The following CHSY3 variants were observed in gnomAD, a reference collection of about 807,000 sequenced individuals.
CHSY3 encodes N-acetylgalactosaminyl-proteoglycan 3-beta-glucuronosyltransferase 3.
In CHSY3, 35 loss-of-function variants were observed where a neutral mutation model predicts 67.2. The observed-to-expected ratio is 0.52, with a 90% CI of 0.40 to 0.69. The LOEUF (loss-of-function observed/expected upper bound fraction) is 0.69, where lower values mean the gene tolerates loss of function less well. Ranked by LOEUF, CHSY3 falls within the 30% of genes least tolerant of loss-of-function variation. CHSY3 has a pLI of 0.00. For synonymous variants in CHSY3, 474 were observed against 434.7 expected, an observed-to-expected ratio of 1.09 and a Z score of -1.12; for missense variants, 1,069 against 1,138.5, an observed-to-expected ratio of 0.94 and a Z score of 0.88.
At chr5:130,163,624 T>A (rs2149729441) in intron 2 of CHSY3, among the ~76,000 whole-genome samples, 1 of 152,266 alleles carries the variant, frequency 6.6e-6, no homozygotes, top group South Asian at 2.1e-4. Flanking sequence ...TTTATTAAAT[T>A]TTGCCATACT....
chr5:129,974,813 T>G (rs1329099418), intron 2 of CHSY3: 1 of 152,166 alleles, frequency 6.6e-6, no homozygotes, highest in Non-Finnish European at 1.5e-5. Context: ...TCTAAATTGA[T>G]TTTTACATGA....
At chr5:130,131,532 A>G (rs1042730520) in intron 2 of CHSY3, among the ~76,000 whole-genome samples, 1 of 152,188 alleles carries the variant, frequency 6.6e-6, no homozygotes, top group Non-Finnish European at 1.5e-5. Flanking sequence ...TAATCCTACC[A>G]TCCTATATGG....
chr5:129,907,959 T>G, intron 1 of CHSY3, 118 bp from the exon 2 acceptor site: 1 of 1,451,948 alleles, frequency 6.9e-7, no homozygotes, highest in South Asian at 1.6e-5. Context: ...TTTCTTCTTT[T>G]CAGTTGTGTA....
At chr5:130,083,054 C>T (rs1479716625) in intron 2 of CHSY3, among the ~76,000 whole-genome samples, 2 of 151,822 alleles carry the variant, frequency 1.3e-5, no homozygotes, top group Non-Finnish European at 2.9e-5. Context: ...GTATTAGTAA[C>T]AGGAACAGAG....
chr5:130,151,047 T>C (rs2149724022), intron 2 of CHSY3, among the ~76,000 whole-genome samples: 1 of 152,276 alleles, frequency 6.6e-6, no homozygotes, highest in African/African-American at 2.4e-5. Flanking sequence ...AAGCTCATAG[T>C]GTCTGAAAAA....
At chr5:129,978,005 A>G (rs558332632) in intron 2 of CHSY3, among the ~76,000 whole-genome samples, 1 of 152,246 alleles carries the variant, frequency 6.6e-6, no homozygotes, top group East Asian at 1.9e-4. Context: ...TCCCTTCAGC[A>G]GTTTTTCTTT....
intron 2 of CHSY3, among the ~76,000 whole-genome samples, chr5:129,915,808 C>T (rs1760712811): frequency 6.6e-6 from 1 of 151,610 alleles, no homozygotes; most frequent in South Asian, 2.1e-4. Context: ...ATGATAAAAC[C>T]ATAAAAATAC....
At chr5:130,016,464 T>G (rs1034938224) in intron 2 of CHSY3, among the ~76,000 whole-genome samples, 1 of 152,198 alleles carries the variant, frequency 6.6e-6, no homozygotes, top group Non-Finnish European at 1.5e-5. Flanking sequence ...CAGGCTGGAG[T>G]GCAGTGGCAC....
intron 2 of CHSY3, among the ~76,000 whole-genome samples, chr5:130,100,339 C>T (rs561594221): frequency 4.7e-5 from 7 of 148,640 alleles, no homozygotes; most frequent in Non-Finnish European, 1.0e-4. Flanking sequence ...TGCCCACCAC[C>T]ATGCTTGGCT....
intron 2 of CHSY3, among the ~76,000 whole-genome samples, chr5:130,080,151 T>C (rs144047522): frequency 1.0e-3 from 156 of 152,100 alleles, no homozygotes; most frequent in Non-Finnish European, 1.9e-3. Context: ...TGCTACTGTT[T>C]CTGCAAGCTA....
intron 2 of CHSY3, among the ~76,000 whole-genome samples, chr5:130,082,252 G>T (rs1189086642): frequency 6.8e-6 from 1 of 146,214 alleles, no homozygotes; most frequent in Non-Finnish European, 1.5e-5. Flanking sequence ...GTGGACTGCT[G>T]AATTTTTACT....
intron 2 of CHSY3, among the ~76,000 whole-genome samples, chr5:129,952,414 T>C (rs1379849063): frequency 6.6e-6 from 1 of 152,208 alleles, no homozygotes; most frequent in African/African-American, 2.4e-5. Flanking sequence ...TATTAATATA[T>C]TTACATAAGC....
At chr5:130,184,201 C>A in intron 2 of CHSY3, 28 bp from the exon 3 acceptor site, 1 of 1,431,026 alleles carries the variant, frequency 7.0e-7, no homozygotes, top group East Asian at 2.4e-5. Context: ...TTAAAATTAA[C>A]CCTGATTTTT....
chr5:129,932,843 C>A (rs984337926), intron 2 of CHSY3, among the ~76,000 whole-genome samples: 1 of 151,696 alleles, frequency 6.6e-6, no homozygotes, highest in Non-Finnish European at 1.5e-5. Context: ...ACATTTTAAC[C>A]AATAAGATTA....
At chr5:130,022,373 G>T (rs969392774) in intron 2 of CHSY3, among the ~76,000 whole-genome samples, 10 of 151,920 alleles carry the variant, frequency 6.6e-5, no homozygotes, top group African/African-American at 2.2e-4. Context: ...AACTCCTTTG[G>T]TTTCTATACA....
chr5:130,142,909 A>AC lies in CHSY3; in HGVS notation c.1087-41320_1087-41319insC, dbSNP rs1768911202. Among the ~76,000 whole-genome samples, 5 of 152,322 alleles carry AC rather than the reference A, an allele frequency of 3.3e-5. 1 individual carries two copies. The South Asian group carries it at 1.0e-3, about 32-fold the overall frequency. ...CAGAACACAGGAGATGGTGGAAAGG[A>AC]GGAGCGAGCCAGAGGAAAGGGAGCC... On this transcript the variant is annotated intron_variant, in intron 2 of 2. Transcript: ENST00000305031.
chr5:130,092,336 T>C (rs62391453), intron 2 of CHSY3, among the ~76,000 whole-genome samples: 8,484 of 152,226 alleles, frequency 0.056, 356 homozygotes, highest in Non-Finnish European at 0.082. Context: ...ACAGAAAGCA[T>C]TGGCAGGCCT....
At chr5:130,148,402 T>C (rs1204764742) in intron 2 of CHSY3, among the ~76,000 whole-genome samples, 2 of 152,230 alleles carry the variant, frequency 1.3e-5, no homozygotes, top group Admixed American at 6.5e-5. Context: ...TTCCTTTGGG[T>C]ATATACCCAG....
rs765415343 is a variant in CHSY3, at chr5:130,185,168, G to A, written c.2026G>A (p.Gly676Arg). 7 of 1,609,544 alleles carry A rather than the reference G, an allele frequency of 4.3e-6. No individual in the cohort carries two copies. The South Asian group carries it at 6.6e-5, about 15-fold the overall frequency. The change falls in exon 3 of 3, where the codon GGG becomes AGG. Residue 676 changes from glycine to arginine, a missense_variant. Physicochemically the swap from Gly to Arg is moderately radical, Grantham distance 125. This residue lies in a region of CHSY3 where 401 missense variants were observed against 395.2 expected (regional missense o/e 1.01). Coordinates refer to ENST00000305031, the MANE Select transcript of CHSY3 (RefSeq NM_175856.5). ...DSSKHIELIK[G>R]YQNKYPKAEM... ...CAGCAAGCATATTGAGCTGATAAAA[G>A]GGTACCAGAACAAGTACCCCAAAGC...
Sources: gnomAD v4.1 joint callset for allele counts (sites outside exome capture counted in the v4.1 genomes callset) on GRCh38, gnomAD v4.1.1 for gene constraint, gnomAD v4.1.1 regional missense constraint, MANE v1.5 for transcripts, NCBI Gene and HGNC (gene_info 2026-07-23, HGNC 2026-07-21) for gene names.